Variants in ELAVL2 observed in about 807,000 individuals in gnomAD.
ELAVL2 encodes the protein ELAV-like protein 2.
In ELAVL2, 4 loss-of-function variants were observed where a neutral mutation model predicts 34.6. The observed-to-expected ratio is 0.12, with a 90% confidence interval of 0.06 to 0.26. The LOEUF is 0.26. ELAVL2 is among the 10% of genes least tolerant of loss of function. The probability of loss-of-function intolerance (pLI) is 1.00; values close to 1 mark genes in which losing one functional copy is unlikely to be tolerated. For missense variants in ELAVL2, 432 were observed against 442.8 expected (o/e 0.98, Z 0.22); for synonymous variants, 193 against 154.8 (o/e 1.25, Z -1.83).
At chr9:23,849,541 A>G in the ELAVL2 span, 1 of 152,162 alleles carries the variant, frequency 6.6e-6, no homozygotes, top group African/African-American at 2.4e-5. Context: ...TGACCCGGCT[A>G]ATGTGCCGAG....
At chr9:23,713,030 T>C (rs2041392918) in intron 3 of ELAVL2, among the ~76,000 whole-genome samples, 1 of 152,214 alleles carries the variant, frequency 6.6e-6, no homozygotes. Context: ...GTGTGGTTTA[T>C]TAAATGCTAC....
At chr9:23,710,840 T>C (rs1310328058) in intron 3 of ELAVL2, among the ~76,000 whole-genome samples, 1 of 152,148 alleles carries the variant, frequency 6.6e-6, no homozygotes, top group African/African-American at 2.4e-5. Flanking sequence ...TGTGACAGCA[T>C]CATGGATATT....
At chr9:23,708,830 G>A (rs1051124252) in intron 3 of ELAVL2, among the ~76,000 whole-genome samples, 46 of 151,948 alleles carry the variant, frequency 3.0e-4, no homozygotes, top group African/African-American at 1.1e-3. Flanking sequence ...TAGAGACAGG[G>A]TTTCACCATG....
At position 23,701,370 on chromosome 9, in the gene ELAVL2, C is replaced by T. The variant is rs749429792; in HGVS notation, c.713+9G>A. 1.2e-6 allele frequency: 2 copies of T among 1,613,764 alleles called. No homozygotes were observed. Among genetic ancestry groups the T allele is most frequent in the Non-Finnish European group, 1.7e-6 (2 of 1,179,756 alleles). On this transcript the variant is annotated intron_variant, in intron 5 of 6. Coordinates refer to ENST00000397312, the MANE Select transcript of ELAVL2 (RefSeq NM_004432.5). ...TAGTAGCTGGGCACAAGAACCAAAC[C>T]AGACTTACCTAAAACGCTGTGCCTG...
intron 2 of ELAVL2, among the ~76,000 whole-genome samples, chr9:23,742,250 A>G (rs963679019): frequency 6.6e-6 from 1 of 152,200 alleles, no homozygotes; most frequent in Non-Finnish European, 1.5e-5. Context: ...CACAGCTGTA[A>G]AAACAAGTAC....
At chr9:23,736,499 G>T (rs1352089170) in intron 2 of ELAVL2, among the ~76,000 whole-genome samples, 2 of 152,204 alleles carry the variant, frequency 1.3e-5, no homozygotes, top group Middle Eastern at 3.4e-3. Context: ...GAGGAGCAGG[G>T]CTGCTGTTTA....
chr9:23,821,374 C>G (rs888709620), intron 1 of ELAVL2: 7 of 152,062 alleles, frequency 4.6e-5, no homozygotes, highest in African/African-American at 1.7e-4. Context: ...TGCCACCTCC[C>G]GAGGCGCCCA....
chr9:23,720,118 C>T (rs796726444), intron 3 of ELAVL2, among the ~76,000 whole-genome samples: 19 of 150,144 alleles, frequency 1.3e-4, no homozygotes, highest in Non-Finnish European at 1.8e-4. Context: ...TGAGCCACCG[C>T]GCCTGGCTCA....
intron 1 of ELAVL2, among the ~76,000 whole-genome samples, chr9:23,816,681 C>T (rs959059104): frequency 4.6e-5 from 7 of 152,082 alleles, no homozygotes; most frequent in African/African-American, 7.2e-5. Flanking sequence ...TTGATCCTTT[C>T]CCGGGCTAGC....
intron 2 of ELAVL2, among the ~76,000 whole-genome samples, chr9:23,751,983 C>A (rs906226223): frequency 1.3e-5 from 2 of 152,150 alleles, no homozygotes; most frequent in Non-Finnish European, 2.9e-5. Flanking sequence ...GTCAAATCAC[C>A]TAGAAAGCAA....
intron 3 of ELAVL2, among the ~76,000 whole-genome samples, chr9:23,712,336 C>A (rs942304540): frequency 1.3e-5 from 2 of 152,076 alleles, no homozygotes; most frequent in African/African-American, 4.8e-5. Flanking sequence ...GTGACTGGGA[C>A]AATAATCAGA....
chr9:23,791,110 G>C (rs906745637), intron 1 of ELAVL2, among the ~76,000 whole-genome samples: 1 of 152,218 alleles, frequency 6.6e-6, no homozygotes, highest in African/African-American at 2.4e-5. Context: ...TAAAACTGAA[G>C]AGGTTAGAGA....
At chr9:23,804,524 TC>T (rs914349930) in intron 1 of ELAVL2, among the ~76,000 whole-genome samples, 1 of 152,176 alleles carries the variant, frequency 6.6e-6, no homozygotes, top group African/African-American at 2.4e-5. Flanking sequence ...ATTTAACCAA[TC>T]CCCTACTGAT....
chr9:23,821,865 G>C (rs1373427452), intron 1 of ELAVL2: 2 of 151,400 alleles, frequency 1.3e-5, no homozygotes, highest in Admixed American at 6.6e-5. Context: ...GCGGGAAGGA[G>C]GGGCTTGCTT....
Position 23,801,999 on chromosome 9 carries a change from T to C in ELAVL2, c.-16+23807A>G, listed in dbSNP as rs113120894. ...ATGCGGGAAGCTGAAATAAATACAG[T>C]GGAAGATTGTTTATCTGTTTCGTTT... On this transcript the variant is annotated intron_variant, in intron 1 of 6. Coordinates refer to ENST00000397312, the MANE Select transcript of ELAVL2 (RefSeq NM_004432.5). Among the ~76,000 whole-genome samples the C allele has an allele frequency of 7.5e-3, 1,135 of 152,282 alleles. 10 individuals are homozygous for C. The highest frequency in any genetic ancestry group is 0.026 in the African/African-American group (1,087 of 41,556).
chr9:23,786,201 A>G (rs2059657106), intron 1 of ELAVL2, among the ~76,000 whole-genome samples: 1 of 152,010 alleles, frequency 6.6e-6, no homozygotes, highest in Non-Finnish European at 1.5e-5. Flanking sequence ...AAAAAGTAAC[A>G]TAGAAAAGCT....
chr9:23,829,318 C>A (rs1044772181), upstream of ELAVL2, among the ~76,000 whole-genome samples: 3 of 152,140 alleles, frequency 2.0e-5, no homozygotes, highest in Non-Finnish European at 4.4e-5. Context: ...TAAGAATATG[C>A]AAAGCTGTTG....
At chr9:23,834,882 T>C in the ELAVL2 span, among the ~76,000 whole-genome samples, 3 of 152,094 alleles carry the variant, frequency 2.0e-5, no homozygotes, top group Non-Finnish European at 2.9e-5. Flanking sequence ...ATTTGACTGA[T>C]ATAATAATAA....
rs138497515 is a variant in ELAVL2, at chr9:23,804,548, G to A, written c.-16+21258C>T. Among the ~76,000 whole-genome samples the A allele has an allele frequency of 4.6e-5, 7 of 152,140 alleles. No individual in the cohort carries two copies. In the East Asian group the frequency reaches 1.4e-3, roughly 29 times the overall value. ...ATCCCCTACTGATGAACATTCCAAG[G>A]TTTTGCTATTTCAAACAGTGCTTAC... On this transcript the variant is annotated intron_variant, in intron 1 of 6. Transcript: ENST00000397312.
Sources: gnomAD v4.1 joint callset for allele counts (sites outside exome capture counted in the v4.1 genomes callset) on GRCh38, gnomAD v4.1.1 for gene constraint, MANE v1.5 for transcripts, NCBI Gene and HGNC (gene_info 2026-07-23, HGNC 2026-07-21) for gene names.